SOAT1: variants seen among roughly 807,000 people sequenced by gnomAD.
SOAT1 encodes the protein sterol O-acyltransferase 1.
SOAT1 carries 55 observed loss-of-function variants against 69.5 expected under a neutral mutation model. The ratio of observed to expected loss-of-function variants is 0.79; its 90% CI spans 0.64 to 0.99. The LOEUF is 0.99. Among genes scored for constraint, SOAT1 ranks in the 50% least tolerant of loss-of-function variants. The probability of loss-of-function intolerance (pLI) is 0.00; values close to 1 mark genes in which losing one functional copy is unlikely to be tolerated. For synonymous variants in SOAT1, 231 were observed against 224.7 expected (o/e 1.03, Z -0.25); for missense variants, 580 against 669.3 (o/e 0.87, Z 1.47).
chr1:179,332,662 T>G (rs1666009102), intron 3 of SOAT1, among the ~76,000 whole-genome samples: 1 of 152,144 alleles, frequency 6.6e-6, no homozygotes, highest in Non-Finnish European at 1.5e-5. Flanking sequence ...ATTGAAAAGA[T>G]AAGCAAATTA....
chr1:179,343,261 C>G (rs1295201452), intron 9 of SOAT1, among the ~76,000 whole-genome samples: 1 of 151,472 alleles, frequency 6.6e-6, no homozygotes, highest in Non-Finnish European at 1.5e-5. Context: ...GGGAGTCTTG[C>G]TCTGTCACCC....
intron 14 of SOAT1, 149 bp from the exon 15 acceptor site, chr1:179,351,168 C>G: frequency 1.6e-6 from 1 of 613,504 alleles, no homozygotes; most frequent in Non-Finnish European, 2.8e-6. Flanking sequence ...CTCAGCCTCC[C>G]GAGTGGCTGG....
At chr1:179,310,474 A>G (rs1665185900) in intron 2 of SOAT1, among the ~76,000 whole-genome samples, 1 of 152,182 alleles carries the variant, frequency 6.6e-6, no homozygotes, top group Non-Finnish European at 1.5e-5. Flanking sequence ...ATTTTTCTGA[A>G]GTAGTGCAGA....
In SOAT1 at chr1:179,355,537, C is replaced by CTGTT. The variant is rs567738219; in HGVS notation, c.*1914_*1917dup. On this transcript the variant is annotated 3_prime_UTR_variant, in exon 16 of 16. Coordinates refer to ENST00000367619, the MANE Select transcript of SOAT1 (RefSeq NM_003101.6). Reference sequence around the variant, plus strand: ...TATTTTTCAAAAAGCTCTCTGCTTCCTGTTTGTTTGTTTGTTTGTTTTTGA... The same window carrying CTGTT: ...TATTTTTCAAAAAGCTCTCTGCTTCCTGTTTGTTTGTTTGTTTGTTTGTTTTTGA... The CTGTT allele has an allele frequency of 7.0e-4, 107 of 153,564 alleles. No individual in the cohort carries two copies. The highest frequency in any genetic ancestry group is 2.0e-3 in the African/African-American group (83 of 41,524). 9.5% of individuals were successfully genotyped at this position (153,564 alleles called of 1,614,324 possible).
chr1:179,323,070 A>G (rs1405164675), intron 2 of SOAT1, among the ~76,000 whole-genome samples: 1 of 126,222 alleles, frequency 7.9e-6, no homozygotes, highest in African/African-American at 3.0e-5. Context: ...TTGCCTCTGA[A>G]TTTGTACTAG....
chr1:179,337,572 G>T (rs1047650276), intron 4 of SOAT1, among the ~76,000 whole-genome samples: 1 of 152,172 alleles, frequency 6.6e-6, no homozygotes, highest in Admixed American at 6.5e-5. Flanking sequence ...TAGGGGCTGG[G>T]TGTGGCGAGC....
Position 179,351,467 on chromosome 1 carries a change from G to A in SOAT1, c.1596+5G>A, listed in dbSNP as rs1231115231. On this transcript the variant is annotated splice_donor_5th_base_variant and intron_variant, in intron 15 of 15. Transcript: ENST00000367619. ...CAGCACTGTCCTCTGAAAAATGTGA[G>A]TCACCAACCTGGTTGGAGTGCAAAA... 1.2e-6 allele frequency: 2 copies of A among 1,611,228 alleles called. No homozygotes were observed. The highest frequency in any genetic ancestry group is 3.4e-5 in the Admixed American group (2 of 59,298).
intron 2 of SOAT1, among the ~76,000 whole-genome samples, chr1:179,309,809 GT>G (rs1665156970): frequency 6.6e-6 from 1 of 151,912 alleles, no homozygotes; most frequent in Non-Finnish European, 1.5e-5. Flanking sequence ...CTTTGCTTAT[GT>G]ATGTGTGCTT....
intron 1 of SOAT1, among the ~76,000 whole-genome samples, chr1:179,296,030 A>G (rs1664626524): frequency 8.4e-6 from 1 of 119,722 alleles, no homozygotes; most frequent in South Asian, 2.7e-4. Flanking sequence ...CTTACTGGTC[A>G]GGCTGGTCTC....
In SOAT1 at chr1:179,310,320, A is replaced by G. The variant is rs1281221454; in HGVS notation, c.118+7518A>G. Among the ~76,000 whole-genome samples the G allele has an allele frequency of 2.0e-5, 3 of 149,642 alleles. No homozygotes were observed. In the Admixed American group the frequency reaches 2.0e-4, roughly 10 times the overall value. ...TATATTGAAATATTTGATCCATATG[A>G]AATTTATTTTTGAGTGATGCATTCA... On this transcript the variant is annotated intron_variant, in intron 2 of 15. Coordinates refer to ENST00000367619, the MANE Select transcript of SOAT1 (RefSeq NM_003101.6).
At chr1:179,306,973 C>G (rs1199042033) in intron 2 of SOAT1, among the ~76,000 whole-genome samples, 1 of 152,100 alleles carries the variant, frequency 6.6e-6, no homozygotes, top group Admixed American at 6.5e-5. Context: ...TCAGTCAGCT[C>G]CCTTTAAACT....
intron 2 of SOAT1, among the ~76,000 whole-genome samples, chr1:179,304,895 C>T (rs1391560580): frequency 2.0e-5 from 3 of 151,564 alleles, no homozygotes; most frequent in African/African-American, 7.3e-5. Context: ...TTGGTTGCCC[C>T]GACCTCCCAA....
intron 1 of SOAT1, among the ~76,000 whole-genome samples, chr1:179,302,354 G>A (rs1664859433): frequency 6.6e-6 from 1 of 152,190 alleles, no homozygotes; most frequent in Non-Finnish European, 1.5e-5. Flanking sequence ...ATCACCACGT[G>A]TCTAGGGAGG....
At chr1:179,326,526 T>A (rs1665796006) in intron 3 of SOAT1, among the ~76,000 whole-genome samples, 1 of 151,938 alleles carries the variant, frequency 6.6e-6, no homozygotes, top group Non-Finnish European at 1.5e-5. Flanking sequence ...ATTTTACCAT[T>A]GTTTATTAAT....
At chr1:179,326,652 G>A (rs149150535) in intron 3 of SOAT1, among the ~76,000 whole-genome samples, 74 of 151,064 alleles carry the variant, frequency 4.9e-4, no homozygotes, top group African/African-American at 1.7e-3. Flanking sequence ...CTGCCTCCCG[G>A]GTTCAAGTGA....
intron 14 of SOAT1, among the ~76,000 whole-genome samples, chr1:179,351,053 T>TTTTTTTTTTTTA: frequency 2.0e-5 from 1 of 49,906 alleles, no homozygotes; most frequent in African/African-American, 7.8e-5. Context: ...TTTTTTTTTT[T>TTTTTTTTTTTTA]TTTTTTTGAG....
At chr1:179,348,564 CTA>C (rs903523728) in intron 12 of SOAT1, among the ~76,000 whole-genome samples, 1 of 152,044 alleles carries the variant, frequency 6.6e-6, no homozygotes, top group Non-Finnish European at 1.5e-5. Context: ...TTAAATGATT[CTA>C]TGTGTTCCGT....
chr1:179,316,499 C>T (rs1418355322), intron 2 of SOAT1, among the ~76,000 whole-genome samples: 1 of 152,138 alleles, frequency 6.6e-6, no homozygotes, highest in Non-Finnish European at 1.5e-5. Flanking sequence ...CGGGTTCAAG[C>T]GATACTCCTG....
At chr1:179,339,108 A>G (rs561990014) in intron 5 of SOAT1, among the ~76,000 whole-genome samples, 3 of 152,292 alleles carry the variant, frequency 2.0e-5, no homozygotes, top group East Asian at 3.9e-4. Flanking sequence ...GATCAACATT[A>G]TAGAAACTCA....
Sources: allele counts gnomAD v4.1 joint callset (sites outside exome capture counted in the v4.1 genomes callset), GRCh38; gene constraint gnomAD v4.1.1; transcripts MANE v1.5; gene names NCBI Gene and HGNC (gene_info 2026-07-23, HGNC 2026-07-21).